RBFOX1: variants seen among roughly 807,000 people sequenced by gnomAD.
RBFOX1 encodes the protein RNA binding protein fox-1 homolog 1.
In RBFOX1, 8 loss-of-function variants were observed where a neutral mutation model predicts 57.7. The observed-to-expected ratio is 0.14, with a 90% CI of 0.08 to 0.25. The LOEUF (loss-of-function observed/expected upper bound fraction) is 0.25, where lower values mean the gene tolerates loss of function less well. Ranked by LOEUF, RBFOX1 falls within the 10% of genes least tolerant of loss-of-function variation. RBFOX1 has a pLI of 1.00. For missense variants in RBFOX1, 611 were observed against 548.5 expected, an observed-to-expected ratio of 1.11 and a Z score of -1.14; for synonymous variants, 326 against 222.4, an observed-to-expected ratio of 1.47 and a Z score of -4.15.
At chr16:5,317,108 C>T (rs927473788) in intron 1 of RBFOX1, among the ~76,000 whole-genome samples, 1 of 152,140 alleles carries the variant, frequency 6.6e-6, no homozygotes, top group Non-Finnish European at 1.5e-5. Flanking sequence ...CTACCATCTT[C>T]CCTGGTTTTC....
At chr16:6,581,534 C>T (rs189261258) in intron 2 of RBFOX1, among the ~76,000 whole-genome samples, 7 of 152,258 alleles carry the variant, frequency 4.6e-5, no homozygotes, top group Admixed American at 1.3e-4. Context: ...TGAAGCAAAC[C>T]GTAGGTGAGT....
chr16:6,046,286 A>C (rs775678701), intron 1 of RBFOX1, among the ~76,000 whole-genome samples: 4 of 152,176 alleles, frequency 2.6e-5, no homozygotes, highest in Non-Finnish European at 2.9e-5. Context: ...GATAACACTG[A>C]CAGATAGGGG....
intron 3 of RBFOX1, among the ~76,000 whole-genome samples, chr16:6,918,845 A>G (rs374730685): frequency 6.6e-6 from 1 of 152,188 alleles, no homozygotes; most frequent in Non-Finnish European, 1.5e-5. Context: ...TCAGTGCAAC[A>G]CATTGCAGGC....
intron 2 of RBFOX1, among the ~76,000 whole-genome samples, chr16:6,583,501 G>T (rs2097565800): frequency 6.6e-6 from 1 of 152,212 alleles, no homozygotes; most frequent in African/African-American, 2.4e-5. Context: ...GAAATAACTA[G>T]AACTTTATTA....
chr16:6,375,205 T>G (rs1246300554), intron 2 of RBFOX1, among the ~76,000 whole-genome samples: 1 of 152,134 alleles, frequency 6.6e-6, no homozygotes, highest in Non-Finnish European at 1.5e-5. Context: ...GTATTTTCTG[T>G]GAACTTCATG....
At chr16:6,113,755 A>C (rs2096469617) in intron 1 of RBFOX1, among the ~76,000 whole-genome samples, 1 of 152,190 alleles carries the variant, frequency 6.6e-6, no homozygotes, top group Non-Finnish European at 1.5e-5. Context: ...CTAGCATGTA[A>C]CATACACTCT....
At chr16:5,608,910 C>T (rs4786734) in intron 3 of RBFOX1, among the ~76,000 whole-genome samples, 24,465 of 152,146 alleles carry the variant, frequency 0.16, 2,380 homozygotes, top group East Asian at 0.42. Flanking sequence ...GAAATGCAGT[C>T]TGTTTGCTCA....
chr16:6,612,075 C>T (rs1047712599), intron 2 of RBFOX1, among the ~76,000 whole-genome samples: 10 of 152,152 alleles, frequency 6.6e-5, no homozygotes, highest in African/African-American at 1.4e-4. Context: ...AATATATTTA[C>T]GTCTAAAACA....
intron 1 of RBFOX1, among the ~76,000 whole-genome samples, chr16:6,122,028 C>G (rs879453589): frequency 2.0e-5 from 3 of 152,150 alleles, no homozygotes; most frequent in South Asian, 4.2e-4. Flanking sequence ...GCCTCAGCCT[C>G]CTGCGTAGCT....
intron 2 of RBFOX1, among the ~76,000 whole-genome samples, chr16:6,625,554 A>G (rs549737426): frequency 9.2e-5 from 14 of 152,142 alleles, no homozygotes; most frequent in Admixed American, 8.5e-4. Flanking sequence ...TCTGTCTGTT[A>G]TTTTTCTCTC....
chr16:6,764,829 C>T lies in RBFOX1; in HGVS notation c.-16+110179C>T, dbSNP rs146971046. On this transcript the variant is annotated intron_variant, in intron 3 of 15. Coordinates refer to ENST00000550418, the MANE Select transcript of RBFOX1 (RefSeq NM_018723.4). ...ACGGGTGCCTGTAATCCTAGCTACT[C>T]GGGAAGCTGAGGCAGGAGAATCTCT... is the stretch of plus-strand genomic sequence containing the variant. Among the ~76,000 whole-genome samples the T allele has an allele frequency of 4.0e-3, 608 of 151,972 alleles. 7 individuals carry two copies. Among genetic ancestry groups the T allele is most frequent in the African/African-American group, 0.014 (582 of 41,440 alleles).
chr16:6,523,161 T>A (rs558646389), intron 2 of RBFOX1, among the ~76,000 whole-genome samples: 156 of 152,312 alleles, frequency 1.0e-3, no homozygotes, highest in Admixed American at 1.8e-3. Flanking sequence ...ATGGGGTGAC[T>A]GTCTTTGTCC....
At position 5,419,068 on chromosome 16, in the gene RBFOX1, C is replaced by G. The variant is rs188702462; in HGVS notation, c.220-48148C>G. ...GAGACCAGGCTGGAGCAATGACAGA[C>G]CAGCTTACCTGAGCCCAGTGGGTTC... On this transcript the variant is annotated intron_variant, in intron 1 of 2. Transcript: ENST00000585867. Among the ~76,000 whole-genome samples the G allele has an allele frequency of 4.1e-4, 63 of 152,278 alleles. 1 individual carries two copies. The East Asian group carries it at 9.5e-3, about 23-fold the overall frequency.
intron 3 of RBFOX1, among the ~76,000 whole-genome samples, chr16:6,909,197 C>T (rs76005853): frequency 1.5e-3 from 227 of 152,266 alleles, no homozygotes; most frequent in African/African-American, 5.3e-3. Flanking sequence ...AATGTAGTTT[C>T]CTCCCTTTGC....
chr16:6,672,699 C>T (rs1352949727), intron 3 of RBFOX1, among the ~76,000 whole-genome samples: 1 of 152,166 alleles, frequency 6.6e-6, no homozygotes, highest in East Asian at 1.9e-4. Context: ...TTCTGCTTTT[C>T]TGCTTTTCTT....
At chr16:6,558,034 A>G (rs551720378) in intron 2 of RBFOX1, among the ~76,000 whole-genome samples, 3 of 152,116 alleles carry the variant, frequency 2.0e-5, no homozygotes, top group South Asian at 2.1e-4. Context: ...ATTGAGATCT[A>G]TTTTTCATAA....
chr16:7,327,477 C>G lies in RBFOX1; in HGVS notation c.28-190670C>G, dbSNP rs112808028. 1.1e-3 allele frequency among the ~76,000 whole-genome samples: 166 copies of G among 152,220 alleles called. 2 individuals are homozygous for G. Among genetic ancestry groups the G allele is most frequent in the South Asian group, 3.1e-3 (15 of 4,826 alleles). On this transcript the variant is annotated intron_variant, in intron 4 of 15. Transcript: ENST00000550418. ...TGTGTGAGTAATTACATAATCTGCA[C>G]AAATCTGTATTTTGAAATAAACATT...
At chr16:6,670,777 C>G (rs573406767) in intron 3 of RBFOX1, among the ~76,000 whole-genome samples, 29 of 152,112 alleles carry the variant, frequency 1.9e-4, no homozygotes, top group African/African-American at 7.0e-4. Flanking sequence ...CTGGGTGGAT[C>G]ACAAGGTCAG....
chr16:7,692,551 G>A (rs946999963), intron 14 of RBFOX1, among the ~76,000 whole-genome samples: 2 of 152,062 alleles, frequency 1.3e-5, no homozygotes, highest in South Asian at 2.1e-4. Context: ...AGGCATTTAC[G>A]AACCTAGCCA....
Sources: gnomAD v4.1 joint callset for allele counts (sites outside exome capture counted in the v4.1 genomes callset) on GRCh38, gnomAD v4.1.1 for gene constraint, MANE v1.5 for transcripts, NCBI Gene and HGNC (gene_info 2026-07-23, HGNC 2026-07-21) for gene names.